Variants in SUGCT observed in about 807,000 individuals in gnomAD.
SUGCT encodes the protein succinyl-CoA:glutarate CoA-transferase.
SUGCT carries 41 observed loss-of-function variants against 55.0 expected under a neutral mutation model. The ratio of observed to expected loss-of-function variants is 0.74; its 90% CI spans 0.58 to 0.97. The LOEUF (loss-of-function observed/expected upper bound fraction) is 0.97. SUGCT is among the 50% of genes least tolerant of loss of function. SUGCT has a pLI of 0.00. For missense variants in SUGCT, 568 were observed against 547.8 expected (o/e 1.04, Z -0.37); for synonymous variants, 187 against 200.4 (o/e 0.93, Z 0.56).
chr7:40,711,001 G>C (rs1400970405), intron 12 of SUGCT, among the ~76,000 whole-genome samples: 3 of 152,184 alleles, frequency 2.0e-5, no homozygotes, highest in African/African-American at 7.2e-5. Context: ...GCCTGAGTTG[G>C]TTGATATACA....
intron 12 of SUGCT, among the ~76,000 whole-genome samples, chr7:40,681,811 G>A (rs961236284): frequency 6.6e-6 from 1 of 152,124 alleles, no homozygotes; most frequent in South Asian, 2.1e-4. Context: ...TAAAATTGGG[G>A]ATCAGCAGAA....
At chr7:40,222,795 A>G (rs763658322) in intron 6 of SUGCT, among the ~76,000 whole-genome samples, 1 of 151,972 alleles carries the variant, frequency 6.6e-6, no homozygotes, top group Non-Finnish European at 1.5e-5. Context: ...ATGCCCAGCT[A>G]ATTTTTGTAT....
intron 12 of SUGCT, among the ~76,000 whole-genome samples, chr7:40,667,924 G>T (rs753149874): frequency 6.6e-6 from 1 of 151,700 alleles, no homozygotes; most frequent in Non-Finnish European, 1.5e-5. Flanking sequence ...TGGATTTGTG[G>T]GTCTCAATTT....
At chr7:40,266,559 AAG>A (rs1424070993) in intron 7 of SUGCT, among the ~76,000 whole-genome samples, 2 of 152,198 alleles carry the variant, frequency 1.3e-5, no homozygotes, top group Admixed American at 1.3e-4. Context: ...GATCAAAACT[AAG>A]AAATTATCAT....
chr7:40,540,969 T>C (rs557852194), intron 12 of SUGCT, among the ~76,000 whole-genome samples: 2 of 152,314 alleles, frequency 1.3e-5, no homozygotes, highest in East Asian at 3.9e-4. Context: ...CTTCCGTTAT[T>C]TTTGTGTTTA....
intron 13 of SUGCT, among the ~76,000 whole-genome samples, chr7:40,848,716 C>T (rs562022401): frequency 2.0e-5 from 3 of 152,178 alleles, no homozygotes; most frequent in African/African-American, 7.2e-5. Context: ...TGGTACATAC[C>T]ACAGGATGCC....
intron 9 of SUGCT, among the ~76,000 whole-genome samples, chr7:40,446,450 G>A (rs555994125): frequency 2.6e-5 from 4 of 152,200 alleles, no homozygotes; most frequent in Admixed American, 2.6e-4. Flanking sequence ...CTACAGCTTT[G>A]TTGCAGATTT....
At chr7:40,728,840 A>G (rs760873228) in intron 12 of SUGCT, among the ~76,000 whole-genome samples, 3 of 152,232 alleles carry the variant, frequency 2.0e-5, no homozygotes, top group Non-Finnish European at 4.4e-5. Context: ...ACTTTATATA[A>G]CAAAACAATA....
At chr7:40,311,739 T>A (rs962682172) in intron 8 of SUGCT, among the ~76,000 whole-genome samples, 1 of 152,238 alleles carries the variant, frequency 6.6e-6, no homozygotes, top group Non-Finnish European at 1.5e-5. Context: ...CAAGACTATA[T>A]CTTTTTTATT....
intron 8 of SUGCT, among the ~76,000 whole-genome samples, chr7:40,305,625 C>A (rs577206535): frequency 6.6e-6 from 1 of 152,150 alleles, no homozygotes; most frequent in African/African-American, 2.4e-5. Context: ...TTCAATTATT[C>A]TTTTCTCTTG....
intron 12 of SUGCT, among the ~76,000 whole-genome samples, chr7:40,676,317 A>G (rs1783974975): frequency 6.6e-6 from 1 of 152,148 alleles, no homozygotes; most frequent in African/African-American, 2.4e-5. Context: ...TTATTACTTT[A>G]TCATCAGGGC....
chr7:40,182,192 A>G (rs1346461060), intron 3 of SUGCT, among the ~76,000 whole-genome samples, 164 bp downstream of exon 3: 1 of 152,248 alleles, frequency 6.6e-6, no homozygotes. Flanking sequence ...GTGAACTAAC[A>G]CTAATGATAT....
chr7:40,904,100 C>G, the SUGCT span, among the ~76,000 whole-genome samples: 1 of 152,220 alleles, frequency 6.6e-6, no homozygotes, highest in Non-Finnish European at 1.5e-5. Context: ...ATTATAGCCC[C>G]TTTCAGCAAC....
intron 6 of SUGCT, among the ~76,000 whole-genome samples, chr7:40,225,131 G>A (rs776945086): frequency 6.6e-6 from 1 of 152,198 alleles, no homozygotes; most frequent in Non-Finnish European, 1.5e-5. Context: ...GCGTTCCCAA[G>A]TTGGATATAG....
At chr7:40,888,382 C>T in the SUGCT span, among the ~76,000 whole-genome samples, 6 of 150,074 alleles carry the variant, frequency 4.0e-5, no homozygotes, top group East Asian at 2.0e-4. Context: ...ACCCGGGAAG[C>T]GAAAGTTGCA....
At chr7:40,947,043 T>C in the SUGCT span, among the ~76,000 whole-genome samples, 1 of 152,208 alleles carries the variant, frequency 6.6e-6, no homozygotes, top group African/African-American at 2.4e-5. Flanking sequence ...TATCTTCTAA[T>C]ATTTTTCTGC....
intron 7 of SUGCT, among the ~76,000 whole-genome samples, chr7:40,265,038 G>A (rs1032066176): frequency 1.3e-5 from 2 of 152,142 alleles, no homozygotes; most frequent in Non-Finnish European, 2.9e-5. Context: ...AACTAAGAAA[G>A]GCCAAGAACT....
chr7:40,818,402 AC>A (rs1407195819), intron 13 of SUGCT, among the ~76,000 whole-genome samples: 1 of 152,088 alleles, frequency 6.6e-6, no homozygotes, highest in Admixed American at 6.5e-5. Context: ...GTGTTGCCTC[AC>A]CCCCCTGGGG....
intron 9 of SUGCT, among the ~76,000 whole-genome samples, chr7:40,434,327 T>C (rs552166712): frequency 4.6e-5 from 7 of 152,312 alleles, no homozygotes; most frequent in Admixed American, 1.3e-4. Flanking sequence ...AGTTCAATAG[T>C]TGAGGTACAT....
Sources: gnomAD v4.1 joint callset for allele counts (sites outside exome capture counted in the v4.1 genomes callset) on GRCh38, gnomAD v4.1.1 for gene constraint, MANE v1.5 for transcripts, NCBI Gene and HGNC (gene_info 2026-07-23, HGNC 2026-07-21) for gene names.